TTLL13: variants seen among roughly 807,000 people sequenced by gnomAD.
TTLL13 encodes the protein tubulin polyglutamylase TTLL13.
the TTLL13 span, chr15:90,263,987 A>C: frequency 1.1e-5 from 17 of 1,535,938 alleles, no homozygotes; most frequent in East Asian, 3.9e-4. Context: ...GCAGCCATCA[A>C]CTCCTGTTCA....
At chr15:90,256,581 CTTTCTTTCTTTCTTTCT>C in the TTLL13 span, among the ~76,000 whole-genome samples, 24 of 35,696 alleles carry the variant, frequency 6.7e-4, 2 homozygotes, top group South Asian at 8.8e-3. Context: ...TTCTTTCTTT[CTTTCTTTCTTTCTTTCT>C]TTCTTTCTTT....
the TTLL13 span, chr15:90,256,337 C>T: frequency 6.2e-7 from 1 of 1,612,132 alleles, no homozygotes; most frequent in Non-Finnish European, 8.5e-7. Context: ...CCCTAGTCCC[C>T]AGCACTGGGC....
the TTLL13 span, chr15:90,257,537 A>T: frequency 8.7e-7 from 1 of 1,155,600 alleles, no homozygotes; most frequent in Non-Finnish European, 1.3e-6. Context: ...ACAGGAGACG[A>T]GAGATCCTCG....
At chr15:90,257,047 T>A in the TTLL13 span, 1 of 1,231,530 alleles carries the variant, frequency 8.1e-7, no homozygotes, top group Non-Finnish European at 1.1e-6. Context: ...TTGTGGAAAT[T>A]CAATTAGCTA....
the TTLL13 span, chr15:90,262,775 A>G: frequency 1.2e-5 from 15 of 1,247,756 alleles, no homozygotes; most frequent in East Asian, 1.8e-4. Flanking sequence ...CACAAGAGAG[A>G]GAGGAGTTCC....
At chr15:90,258,498 G>T in the TTLL13 span, 1 of 615,932 alleles carries the variant, frequency 1.6e-6, no homozygotes. Flanking sequence ...GGGATCCCCA[G>T]TGCCCTAATG....
the TTLL13 span, chr15:90,262,098 G>C: frequency 3.3e-6 from 5 of 1,536,026 alleles, no homozygotes; most frequent in Non-Finnish European, 4.4e-6. Context: ...ATCTACCCTG[G>C]GCCTGACACA....
At chr15:90,254,673 C>CCAAAAA in the TTLL13 span, among the ~76,000 whole-genome samples, 1 of 151,766 alleles carries the variant, frequency 6.6e-6, no homozygotes, top group Non-Finnish European at 1.5e-5. Flanking sequence ...CCCATCTCTA[C>CCAAAAA]CAAAAATACA....
the TTLL13 span, among the ~76,000 whole-genome samples, chr15:90,252,621 A>C: frequency 6.6e-6 from 1 of 152,024 alleles, no homozygotes; most frequent in Non-Finnish European, 1.5e-5. Flanking sequence ...TTTATAAGGA[A>C]CCACACAAGT....
At chr15:90,251,700 C>T in the TTLL13 span, 5 of 1,341,490 alleles carry the variant, frequency 3.7e-6, no homozygotes, top group Non-Finnish European at 5.3e-6. Flanking sequence ...CCCCTGGGGC[C>T]TGGCGGGCTT....
At chr15:90,256,545 T>TTTCTTTCTTTCTTTC in the TTLL13 span, among the ~76,000 whole-genome samples, 2 of 105,392 alleles carry the variant, frequency 1.9e-5, no homozygotes, top group African/African-American at 6.5e-5. Flanking sequence ...TCTCCTTCCT[T>TTTCTTTCTTTCTTTC]TTTCTTTCTT....
the TTLL13 span, among the ~76,000 whole-genome samples, chr15:90,253,931 G>C: frequency 1.3e-5 from 2 of 152,244 alleles, no homozygotes; most frequent in African/African-American, 4.8e-5. Flanking sequence ...AGCCAGGCAG[G>C]AAGTTGAGGA....
the TTLL13 span, chr15:90,264,058 C>G: frequency 8.1e-5 from 124 of 1,525,190 alleles, no homozygotes; most frequent in East Asian, 2.0e-3. Context: ...GCTCACTAGC[C>G]GTAAGTATGC....
chr15:90,265,177 G>T, the TTLL13 span: 1 of 1,295,884 alleles, frequency 7.7e-7, no homozygotes, highest in South Asian at 1.6e-5. Flanking sequence ...AGAAGATGAA[G>T]AGGCGCCAAG....
chr15:90,264,602 G>C, the TTLL13 span: 1 of 1,188,960 alleles, frequency 8.4e-7, no homozygotes, highest in Non-Finnish European at 1.2e-6. Flanking sequence ...GGGAAAGACA[G>C]TGGAGGGAAG....
chr15:90,254,202 T>A, the TTLL13 span, among the ~76,000 whole-genome samples: 436 of 139,080 alleles, frequency 3.1e-3, 1 homozygote, highest in South Asian at 0.013. Flanking sequence ...TTTTTTTTTT[T>A]AAAAAAAAAA....
the TTLL13 span, among the ~76,000 whole-genome samples, chr15:90,254,361 C>T: frequency 5.3e-5 from 8 of 151,206 alleles, no homozygotes; most frequent in East Asian, 1.4e-3. Context: ...GGCATGGTGG[C>T]GCACACTTGT....
chr15:90,265,322 G>A, the TTLL13 span: 33 of 1,210,486 alleles, frequency 2.7e-5, no homozygotes, highest in South Asian at 2.2e-4. Flanking sequence ...GAGAAGCCGA[G>A]TGCCCAAGGC....
chr15:90,255,869 T>G, the TTLL13 span: 41 of 1,614,068 alleles, frequency 2.5e-5, no homozygotes, highest in Non-Finnish European at 4.2e-6. Context: ...CCCCCGCACC[T>G]GGTGCCTCCC....
Sources: allele counts gnomAD v4.1 joint callset (sites outside exome capture counted in the v4.1 genomes callset), GRCh38; gene constraint gnomAD v4.1.1; transcripts MANE v1.5; gene names NCBI Gene and HGNC (gene_info 2026-07-23, HGNC 2026-07-21).